Variants in WDFY1 observed in about 807,000 individuals in gnomAD.
WDFY1 encodes the protein WD repeat and FYVE domain containing 1, also known as WD repeat and FYVE domain-containing protein 1.
WDFY1 carries 32 observed loss-of-function variants against 56.4 expected under a neutral mutation model. The ratio of observed to expected loss-of-function variants is 0.57; its 90% CI spans 0.43 to 0.76. The LOEUF (loss-of-function observed/expected upper bound fraction) is 0.76. Ranked by LOEUF, WDFY1 falls within the 30% of genes least tolerant of loss-of-function variation. WDFY1 has a pLI of 0.00. For missense variants in WDFY1, 480 were observed against 545.7 expected (o/e 0.88, Z 1.20); for synonymous variants, 192 against 197.3 (o/e 0.97, Z 0.23).
chr2:223,929,078 C>T (rs933833149), intron 1 of WDFY1, among the ~76,000 whole-genome samples: 2 of 152,066 alleles, frequency 1.3e-5, no homozygotes, highest in African/African-American at 4.8e-5. Context: ...GGAGAAGATG[C>T]TCCCAAAAGG....
Position 223,884,648 on chromosome 2 carries a change from T to C in WDFY1, c.933A>G (p.Gln311=). The change falls in exon 9 of 12, where the codon CAA becomes CAG. Residue 311 remains glutamine (Q), a splice_region_variant and synonymous_variant. Transcript: ENST00000233055. ...MWDTKTLGLR[Q]HHCRKCGQAV... ...AGATGACTCGACAGTGGCTACTCACTTGTCTTAGCCCCAGCGTCTTGGTGT... is the reference window on the plus strand; with the variant it reads ...AGATGACTCGACAGTGGCTACTCACCTGTCTTAGCCCCAGCGTCTTGGTGT... The C allele has an allele frequency of 1.2e-6, 2 of 1,613,670 alleles. No individual in the cohort carries two copies. The highest frequency in any genetic ancestry group is 1.7e-6 in the Non-Finnish European group (2 of 1,179,580).
intron 1 of WDFY1, among the ~76,000 whole-genome samples, chr2:223,921,963 AC>A (rs1197114202): frequency 6.6e-6 from 1 of 151,762 alleles, no homozygotes; most frequent in Admixed American, 6.6e-5. Flanking sequence ...CAGTGTGCTG[AC>A]CCCCAGCTAC....
intron 6 of WDFY1, among the ~76,000 whole-genome samples, 163 bp downstream of exon 6, chr2:223,898,795 C>G (rs1052128251): frequency 2.6e-5 from 4 of 152,160 alleles, no homozygotes; most frequent in African/African-American, 4.8e-5. Flanking sequence ...GAACCCATCA[C>G]CCCACCTTCA....
intron 1 of WDFY1, among the ~76,000 whole-genome samples, chr2:223,939,187 C>T (rs75842295): frequency 0.044 from 6,686 of 152,288 alleles, 456 homozygotes; most frequent in African/African-American, 0.15. Flanking sequence ...TCAGGCCCCA[C>T]CTGACTTTCC....
intron 8 of WDFY1, among the ~76,000 whole-genome samples, chr2:223,893,086 G>A (rs1023005698): frequency 1.3e-5 from 2 of 152,136 alleles, no homozygotes; most frequent in Non-Finnish European, 2.9e-5. Context: ...ATCATTTGAC[G>A]ACATCTATAA....
intron 3 of WDFY1, among the ~76,000 whole-genome samples, chr2:223,910,329 G>C (rs1693673143): frequency 6.6e-6 from 1 of 151,556 alleles, no homozygotes; most frequent in Non-Finnish European, 1.5e-5. Flanking sequence ...TGTAAATCTT[G>C]ATTTACACCT....
At chr2:223,929,499 T>C (rs1694041074) in intron 1 of WDFY1, among the ~76,000 whole-genome samples, 1 of 152,150 alleles carries the variant, frequency 6.6e-6, no homozygotes, top group South Asian at 2.1e-4. Context: ...CCTGCTTAAC[T>C]TCCTGCAAGC....
At chr2:223,883,086 T>C (rs1693103797) in intron 9 of WDFY1, among the ~76,000 whole-genome samples, 1 of 152,192 alleles carries the variant, frequency 6.6e-6, no homozygotes, top group African/African-American at 2.4e-5. Flanking sequence ...GGTCTCATCA[T>C]GTTGCTCAGG....
intron 3 of WDFY1, among the ~76,000 whole-genome samples, chr2:223,907,794 G>T (rs58305956): frequency 1.3e-5 from 2 of 152,072 alleles, no homozygotes; most frequent in Non-Finnish European, 2.9e-5. Context: ...CATGGGCAGG[G>T]AGCCTGTCCC....
intron 1 of WDFY1, among the ~76,000 whole-genome samples, chr2:223,924,248 A>G (rs1693940331): frequency 6.6e-6 from 1 of 152,220 alleles, no homozygotes; most frequent in African/African-American, 2.4e-5. Flanking sequence ...CTGCACTTTT[A>G]GAGAAGCAAG....
At chr2:223,919,141 C>T (rs911782244) in intron 1 of WDFY1, among the ~76,000 whole-genome samples, 2 of 152,208 alleles carry the variant, frequency 1.3e-5, no homozygotes, top group Non-Finnish European at 2.9e-5. Flanking sequence ...CCCTGCTCTG[C>T]CTCTGTAGTT....
intron 1 of WDFY1, among the ~76,000 whole-genome samples, chr2:223,934,081 CTT>C (rs201021204): frequency 3.7e-5 from 5 of 136,174 alleles, no homozygotes; most frequent in South Asian, 4.5e-4. Flanking sequence ...TTTTTCTTTT[CTT>C]TTTTTTTTTT....
At chr2:223,937,317 G>A (rs1429907358) in intron 1 of WDFY1, among the ~76,000 whole-genome samples, 2 of 152,118 alleles carry the variant, frequency 1.3e-5, no homozygotes, top group African/African-American at 4.8e-5. Flanking sequence ...TCTTTCGTAA[G>A]ATTAAAGTAA....
intron 1 of WDFY1, among the ~76,000 whole-genome samples, chr2:223,940,664 CAA>C (rs1253609600): frequency 7.0e-6 from 1 of 143,486 alleles, no homozygotes; most frequent in Admixed American, 7.0e-5. Context: ...TTTTTTGAGA[CAA>C]AGTTTTGTTC....
rs777283710 is a variant in WDFY1 at position 223,898,938 on chromosome 2, T to C, written c.598+20A>G. On this transcript the variant is annotated intron_variant, in intron 6 of 11. Coordinates refer to ENST00000233055, the MANE Select transcript of WDFY1 (RefSeq NM_020830.5). ...GTCCAAGTTAGGCAAAAAAAACTCT[T>C]GGGTGATAATATAGCCTACCTTCAT... 5.0e-6 allele frequency: 8 copies of C among 1,606,822 alleles called. No homozygotes were observed. The African/African-American group carries it at 1.1e-4, about 21-fold the overall frequency.
chr2:223,904,934 A>T (rs1239590570), intron 4 of WDFY1, among the ~76,000 whole-genome samples: 2 of 152,222 alleles, frequency 1.3e-5, no homozygotes, highest in African/African-American at 2.4e-5. Context: ...ACTGAAAAAA[A>T]GGTATATGTC....
At chr2:223,909,549 G>C (rs957649585) in intron 3 of WDFY1, among the ~76,000 whole-genome samples, 1 of 152,098 alleles carries the variant, frequency 6.6e-6, no homozygotes, top group South Asian at 2.1e-4. Context: ...CACATGGCCA[G>C]TTGGAAGCTC....
chr2:223,903,661 TAA>T (rs1157103197), intron 4 of WDFY1, among the ~76,000 whole-genome samples: 2,354 of 146,962 alleles, frequency 0.016, 60 homozygotes, highest in African/African-American at 0.056. Flanking sequence ...TTTTTTTTTT[TAA>T]AAAAAGGGAC....
Position 223,877,875 on chromosome 2 carries a change from T to G in WDFY1, c.*796A>C, listed in dbSNP as rs985639952. On this transcript the variant is annotated 3_prime_UTR_variant, in exon 12 of 12. Coordinates refer to ENST00000233055, the MANE Select transcript of WDFY1 (RefSeq NM_020830.5). Reference sequence around the variant, plus strand: ...TGGGTTTTCCATCAGTCATTACTAATGGCAATGAGAAAAAGTCAGGCGGCT... The same window carrying G: ...TGGGTTTTCCATCAGTCATTACTAAGGGCAATGAGAAAAAGTCAGGCGGCT... 2 of 152,628 alleles carry G rather than the reference T, an allele frequency of 1.3e-5. No individual in the cohort carries two copies. The highest frequency in any genetic ancestry group is 2.9e-5 in the Non-Finnish European group (2 of 68,044). 9.5% of individuals were successfully genotyped at this position (152,628 alleles called of 1,614,324 possible).
Sources: gnomAD v4.1 joint callset for allele counts (sites outside exome capture counted in the v4.1 genomes callset) on GRCh38, gnomAD v4.1.1 for gene constraint, MANE v1.5 for transcripts, NCBI Gene and HGNC (gene_info 2026-07-23, HGNC 2026-07-21) for gene names.